The following RHBDF2 variants were observed in gnomAD, a reference collection of about 807,000 sequenced individuals.
The protein encoded by RHBDF2 is rhomboid 5 homolog 2.
In RHBDF2, 38 loss-of-function variants were observed where a neutral mutation model predicts 95.2. The ratio of observed to expected loss-of-function variants is 0.40; its 90% CI spans 0.31 to 0.52. RHBDF2 has a LOEUF of 0.52. Among genes scored for constraint, RHBDF2 ranks in the 20% least tolerant of loss-of-function variants. RHBDF2 has a pLI of 0.56. For synonymous variants in RHBDF2, 442 were observed against 462.0 expected, an observed-to-expected ratio of 0.96 and a Z score of 0.55; for missense variants, 863 against 1,137.7, an observed-to-expected ratio of 0.76 and a Z score of 3.47.
At chr17:76,501,325 C>G (rs1424439911) in intron 1 of RHBDF2, 28 bp downstream of exon 1, 1 of 152,150 alleles carries the variant, frequency 6.6e-6, no homozygotes, top group Non-Finnish European at 1.5e-5. Flanking sequence ...GGCCGTGAGT[C>G]CTGCCCCGCT....
At chr17:76,482,591 T>C (rs1225206269) in intron 2 of RHBDF2, among the ~76,000 whole-genome samples, 5 of 151,090 alleles carry the variant, frequency 3.3e-5, no homozygotes, top group African/African-American at 9.7e-5. Context: ...CTGGCCAACA[T>C]GGTAAAACCC....
chr17:76,500,526 A>G (rs759078436), intron 1 of RHBDF2, among the ~76,000 whole-genome samples: 2 of 152,054 alleles, frequency 1.3e-5, no homozygotes, highest in African/African-American at 2.4e-5. Context: ...CCTCTCCCCA[A>G]GTGGGGTCAG....
At chr17:76,473,214 G>A (rs758854576) in intron 16 of RHBDF2, 38 bp downstream of exon 16, 58 of 1,600,292 alleles carry the variant, frequency 3.6e-5, no homozygotes, top group South Asian at 1.4e-4. Flanking sequence ...CATGCCCAGC[G>A]TCCTCTCCTC....
chr17:76,481,998 CACACAA>C (rs879504601), intron 2 of RHBDF2: 7,650 of 55,490 alleles, frequency 0.14, 363 homozygotes, highest in Middle Eastern at 0.29. Context: ...CACACACACA[CACACAA>C]AACCAAAAAC....
At position 76,475,684 on chromosome 17, in the gene RHBDF2, C is replaced by T. The variant is rs1022136222; in HGVS notation, c.1116-543G>A. On this transcript the variant is annotated intron_variant, in intron 9 of 18. Coordinates refer to ENST00000675367, the MANE Select transcript of RHBDF2 (RefSeq NM_001005498.4). The stretch of plus-strand genomic sequence containing the variant: ...TGCAACCTTCGCCCCCAGGTTCAAG[C>T]GATTCTCCTGCCTCAGCCTCCCTCG... 2.9e-4 allele frequency among the ~76,000 whole-genome samples: 44 copies of T among 151,720 alleles called. 1 individual carries two copies. The highest frequency in any genetic ancestry group is 1.9e-4 in the East Asian group (1 of 5,136).
At position 76,501,336 on chromosome 17, in the gene RHBDF2, C is replaced by G. The variant is rs895598421; in HGVS notation, c.-220+17G>C. The G allele has an allele frequency of 6.6e-6, 1 of 152,148 alleles. No individual in the cohort carries two copies. Among genetic ancestry groups the G allele is most frequent in the Non-Finnish European group, 1.5e-5 (1 of 68,072 alleles). The allele number at this position is 152,148 out of a possible 1,614,324, so 9.4% of individuals were successfully genotyped here. A position where few individuals can be genotyped will look rare whatever the true frequency, so the allele number is the denominator to read the frequency against. On this transcript the variant is annotated intron_variant, in intron 1 of 18. Transcript: ENST00000675367. Reference sequence around the variant, plus strand: ...GGGCGGCCGTGAGTCCTGCCCCGCTCGTCGCCCCGCGCTCACCTCCCTGCG... The same window carrying G: ...GGGCGGCCGTGAGTCCTGCCCCGCTGGTCGCCCCGCGCTCACCTCCCTGCG...
In RHBDF2 at chr17:76,473,702, AG is replaced by A; in HGVS notation, c.1678del (p.Leu560CysfsTer90). On this transcript the variant is annotated frameshift_variant, in exon 15 of 19. Transcript: ENST00000675367. LOFTEE classifies it high-confidence loss of function. ...EQARSNHTGF[L>X]HMDCEIKGRP... is the part of the protein sequence containing the mutation. ...GCCCTTGATCTCGCAGTCCATGTGC[AG>A]GAAGCCTGTGTGGTTGCTCCTGGCC... is the stretch of plus-strand genomic sequence containing the variant. The A allele has an allele frequency of 1.2e-6, 2 of 1,612,658 alleles. No individual in the cohort carries two copies. Among genetic ancestry groups the A allele is most frequent in the Non-Finnish European group, 1.7e-6 (2 of 1,179,492 alleles).
At chr17:76,481,762 G>C in intron 2 of RHBDF2, 1 of 366,840 alleles carries the variant, frequency 2.7e-6, no homozygotes, top group Non-Finnish European at 5.1e-6. Flanking sequence ...AGACCATCCT[G>C]GCCAACATGG....
intron 1 of RHBDF2, among the ~76,000 whole-genome samples, chr17:76,498,698 G>A (rs1320354194): frequency 6.6e-6 from 1 of 152,180 alleles, no homozygotes; most frequent in South Asian, 2.1e-4. Flanking sequence ...CAGGACTCGG[G>A]CCCCAAGTGC....
At chr17:76,480,469 C>T (rs539240150) in intron 3 of RHBDF2, among the ~76,000 whole-genome samples, 15 of 151,938 alleles carry the variant, frequency 9.9e-5, no homozygotes, top group East Asian at 1.9e-4. Flanking sequence ...ACTGGAGCCT[C>T]GACCTCCCAG....
intron 1 of RHBDF2, among the ~76,000 whole-genome samples, chr17:76,489,126 G>GAAACA (rs529482239): frequency 3.5e-4 from 53 of 151,728 alleles, no homozygotes; most frequent in African/African-American, 1.2e-3. Context: ...ACTCCGTCTC[G>GAAACA]AAACAAAACA....
chr17:76,474,519 G>A lies in RHBDF2; in HGVS notation c.1318C>T (p.Leu440=), dbSNP rs765859264. 9.9e-6 allele frequency: 16 copies of A among 1,614,072 alleles called. No homozygotes were observed. Among genetic ancestry groups the A allele is most frequent in the Admixed American group, 3.3e-5 (2 of 60,006 alleles). The part of the protein sequence containing the change: ...VGPSSIDLIH[L]GAKFSPCIRK... ...ATGCAGGGTGAGAACTTGGCCCCCA[G>A]GTGGATCAGGTCAATCTGGGGAAGG... Residue 440 remains leucine (L), a synonymous_variant, in exon 12 of 19, where the codon CTG becomes TTG. Transcript: ENST00000675367.
At chr17:76,490,286 C>T (rs146354299) in intron 1 of RHBDF2, among the ~76,000 whole-genome samples, 130 of 152,280 alleles carry the variant, frequency 8.5e-4, no homozygotes, top group African/African-American at 3.0e-3. Context: ...CCTGACCCCA[C>T]CCCCCAGGGC....
intron 2 of RHBDF2, among the ~76,000 whole-genome samples, chr17:76,486,198 T>C (rs1375008309): frequency 1.3e-5 from 2 of 151,998 alleles, no homozygotes; most frequent in Admixed American, 6.6e-5. Flanking sequence ...CAACCTCCAC[T>C]TCCCAGGTTC....
rs73365325 is a variant in RHBDF2, at chr17:76,497,488, C to G, written c.-220+3865G>C. On this transcript the variant is annotated intron_variant, in intron 1 of 18. Coordinates refer to ENST00000675367, the MANE Select transcript of RHBDF2 (RefSeq NM_001005498.4). ...TAACAATAACAACAGTGCCACTGCT[C>G]CATATGCGTGTTCCCATCTAGTCCT... 6.6e-3 allele frequency among the ~76,000 whole-genome samples: 1,004 copies of G among 152,348 alleles called. 9 individuals carry two copies. The highest frequency in any genetic ancestry group is 0.023 in the African/African-American group (958 of 41,570).
intron 1 of RHBDF2, among the ~76,000 whole-genome samples, chr17:76,498,001 C>T (rs2074470195): frequency 6.6e-6 from 1 of 152,204 alleles, no homozygotes; most frequent in Non-Finnish European, 1.5e-5. Flanking sequence ...TTTTGGACCA[C>T]AAACAACTCC....
At chr17:76,493,572 G>A (rs1047086707) in intron 1 of RHBDF2, among the ~76,000 whole-genome samples, 1 of 152,138 alleles carries the variant, frequency 6.6e-6, no homozygotes, top group Non-Finnish European at 1.5e-5. Flanking sequence ...GAGCTGCGGC[G>A]TGAGCTCCAC....
At chr17:76,492,642 G>A (rs943159884) in intron 1 of RHBDF2, among the ~76,000 whole-genome samples, 2 of 152,198 alleles carry the variant, frequency 1.3e-5, no homozygotes, top group African/African-American at 4.8e-5. Flanking sequence ...TCTCCACCTG[G>A]TGCCACCAAT....
chr17:76,488,741 G>T (rs181143106), intron 1 of RHBDF2, among the ~76,000 whole-genome samples: 80 of 152,330 alleles, frequency 5.3e-4, no homozygotes, highest in Admixed American at 1.3e-3. Context: ...GAGGTCAGGA[G>T]TTCGAGACCA....
Sources: allele counts gnomAD v4.1 joint callset (sites outside exome capture counted in the v4.1 genomes callset), GRCh38; gene constraint gnomAD v4.1.1; transcripts MANE v1.5; gene names NCBI Gene and HGNC (gene_info 2026-07-23, HGNC 2026-07-21).